CTBP2: variants seen among roughly 807,000 people sequenced by gnomAD.
The protein encoded by CTBP2 is C-terminal binding protein 2, also known as C-terminal-binding protein 2.
CTBP2 carries 30 observed loss-of-function variants against 80.3 expected under a neutral mutation model. The observed-to-expected ratio is 0.37, with a 90% CI of 0.28 to 0.51. CTBP2 has a LOEUF of 0.51. CTBP2 is among the 20% of genes least tolerant of loss of function. The probability of loss-of-function intolerance (pLI) is 0.93; values close to 1 mark genes in which losing one functional copy is unlikely to be tolerated. For synonymous variants in CTBP2, 594 were observed against 587.4 expected, an observed-to-expected ratio of 1.01 and a Z score of -0.16; for missense variants, 1,212 against 1,375.3, an observed-to-expected ratio of 0.88 and a Z score of 1.88.
chr10:125,110,862 G>A (rs1419099894), intron 2 of CTBP2, 128 bp downstream of exon 2: 1 of 152,106 alleles, frequency 6.6e-6, no homozygotes, highest in African/African-American at 2.4e-5. Flanking sequence ...ATGATCCCAC[G>A]ATTAGACATC....
At chr10:125,132,116 G>A (rs1856282162) in intron 1 of CTBP2, among the ~76,000 whole-genome samples, 1 of 152,206 alleles carries the variant, frequency 6.6e-6, no homozygotes, top group East Asian at 1.9e-4. Flanking sequence ...CTCTAGAAAT[G>A]CAACTAGTAA....
intron 2 of CTBP2, among the ~76,000 whole-genome samples, chr10:125,041,504 A>ACCCC (rs10559259): frequency 1.1e-5 from 1 of 91,182 alleles, no homozygotes; most frequent in African/African-American, 3.7e-5. Flanking sequence ...GTCCATCCCC[A>ACCCC]CCCCCCCCCC....
rs1042600621 is a variant in CTBP2 at position 125,005,441 on chromosome 10, G to T, written c.1679-1949C>A. The stretch of plus-strand genomic sequence containing the variant: ...CCCCGACACCCAGGTCCCCAAACAG[G>T]GTGTCCGCATGGATCCGCACTCCAA... On this transcript the variant is annotated intron_variant, in intron 1 of 8. Coordinates refer to ENST00000309035, the MANE Select transcript of CTBP2 (RefSeq NM_022802.3). 5 of 1,134,224 alleles carry T rather than the reference G, an allele frequency of 4.4e-6. No individual in the cohort carries two copies. In the African/African-American group the frequency reaches 6.2e-5, roughly 14 times the overall value. The allele number at this position is 1,134,224 out of a possible 1,614,324, so 70.3% of individuals were successfully genotyped here. A position where few individuals can be genotyped will look rare whatever the true frequency, so the allele number is the denominator to read the frequency against.
intron 1 of CTBP2, among the ~76,000 whole-genome samples, chr10:125,011,527 G>A (rs769446160): frequency 3.3e-5 from 5 of 152,196 alleles, no homozygotes; most frequent in Non-Finnish European, 5.9e-5. Context: ...ATAACGAAGA[G>A]CATGTGTGGT....
At chr10:125,101,990 C>T (rs986530594) in intron 2 of CTBP2, among the ~76,000 whole-genome samples, 1 of 152,174 alleles carries the variant, frequency 6.6e-6, no homozygotes, top group Non-Finnish European at 1.5e-5. Context: ...CATCAGCCTC[C>T]CTCGTCAGTC....
intron 8 of CTBP2, among the ~76,000 whole-genome samples, chr10:124,990,176 C>T (rs751542508): frequency 2.6e-5 from 4 of 151,980 alleles, no homozygotes; most frequent in Non-Finnish European, 4.4e-5. Flanking sequence ...TCCCAAGTAG[C>T]TGGGACTACA....
rs74752696 is a variant in CTBP2, at chr10:125,148,548, T to C, written c.-206+11771A>G. 5.0e-3 allele frequency among the ~76,000 whole-genome samples: 766 copies of C among 152,300 alleles called. 38 individuals carry two copies. The East Asian group carries it at 0.1, about 20-fold the overall frequency. On this transcript the variant is annotated intron_variant, in intron 1 of 10. Coordinates refer to the CTBP2 transcript ENST00000337195. ...CTGAGGGGCCAAGTAACATACGGGA[T>C]TTGCTTCTAAGCTCTCGGGCCTGAC...
intron 1 of CTBP2, among the ~76,000 whole-genome samples, chr10:125,005,333 T>C (rs1346045713): frequency 6.6e-6 from 1 of 152,146 alleles, no homozygotes; most frequent in Non-Finnish European, 1.5e-5. Context: ...GGAGAAATCA[T>C]GGCCCCTCTC....
chr10:125,120,742 A>G (rs558541434), intron 1 of CTBP2, among the ~76,000 whole-genome samples: 1 of 152,276 alleles, frequency 6.6e-6, no homozygotes, highest in Admixed American at 6.5e-5. Flanking sequence ...CAGTGGCATG[A>G]TCATAGTTCA....
At chr10:125,151,612 A>G (rs374612971) in intron 1 of CTBP2, among the ~76,000 whole-genome samples, 1 of 151,832 alleles carries the variant, frequency 6.6e-6, no homozygotes, top group African/African-American at 2.4e-5. Flanking sequence ...GAACCTCACC[A>G]CTCACCACGA....
Position 124,998,188 on chromosome 10 carries a change from A to G in CTBP2, c.1979-18T>C, listed in dbSNP as rs111326344. ...GGCAATTCCTGAAAGGGATGAGGCC[A>G]AGGCCGGAGATGAGAAAACCTCAAG... is the stretch of plus-strand genomic sequence containing the variant. On this transcript the variant is annotated intron_variant, in intron 3 of 8. Coordinates refer to ENST00000309035, the MANE Select transcript of CTBP2 (RefSeq NM_022802.3). The G allele has an allele frequency of 7.9e-4, 1,251 of 1,588,628 alleles. 5 individuals carry two copies. In the African/African-American group the frequency reaches 0.015, roughly 19 times the overall value.
intron 1 of CTBP2, among the ~76,000 whole-genome samples, chr10:125,016,450 A>T (rs1956497100): frequency 6.6e-6 from 1 of 152,228 alleles, no homozygotes; most frequent in African/African-American, 2.4e-5. Flanking sequence ...CTCCCGCAAA[A>T]GGACCCTGAG....
intron 2 of CTBP2, among the ~76,000 whole-genome samples, chr10:125,059,033 G>A (rs1477935568): frequency 1.3e-5 from 2 of 152,188 alleles, no homozygotes; most frequent in Admixed American, 6.5e-5. Context: ...ACTAGGATGG[G>A]CAGGGGGAGG....
At chr10:125,024,360 C>G (rs1377276739) in intron 1 of CTBP2, among the ~76,000 whole-genome samples, 2 of 152,226 alleles carry the variant, frequency 1.3e-5, no homozygotes, top group Non-Finnish European at 2.9e-5. Flanking sequence ...GCAGACTTCC[C>G]TGGCACTGGC....
chr10:125,090,763 AAT>A (rs1020454340), intron 2 of CTBP2, among the ~76,000 whole-genome samples: 5 of 152,032 alleles, frequency 3.3e-5, no homozygotes, highest in African/African-American at 9.7e-5. Flanking sequence ...CAAAAAAAAA[AAT>A]AAATAAATAA....
chr10:125,159,781 A>G (rs1462796637), intron 1 of CTBP2: 1 of 147,296 alleles, frequency 6.8e-6, no homozygotes, highest in African/African-American at 2.5e-5. Context: ...TGTTCCCCGG[A>G]GATCCGGCCG....
intron 2 of CTBP2, among the ~76,000 whole-genome samples, chr10:125,059,708 C>T (rs1964603414): frequency 6.6e-6 from 1 of 152,166 alleles, no homozygotes; most frequent in Non-Finnish European, 1.5e-5. Context: ...AGCCATGCTC[C>T]AAGGCCACTG....
intron 1 of CTBP2, among the ~76,000 whole-genome samples, chr10:125,115,141 C>T (rs1359062522): frequency 3.3e-5 from 5 of 151,728 alleles, no homozygotes; most frequent in African/African-American, 1.2e-4. Context: ...TCACACCAGC[C>T]AGAGAGCAGA....
rs1861484868 is a variant in CTBP2, at chr10:125,159,179, G to A, written c.-206+1140C>T. ...GCGCCGCGGAGGGCTGGGAGGAGGA[G>A]GAACCGCGGCGGCCCGGCTGTCCCT... is the stretch of plus-strand genomic sequence containing the variant. On this transcript the variant is annotated intron_variant, in intron 1 of 10. Transcript: ENST00000337195. Among the ~76,000 whole-genome samples the A allele has an allele frequency of 3.3e-5, 5 of 150,704 alleles. No homozygotes were observed. In the South Asian group the frequency reaches 1.0e-3, roughly 31 times the overall value.
Sources: allele counts gnomAD v4.1 joint callset (sites outside exome capture counted in the v4.1 genomes callset), GRCh38; gene constraint gnomAD v4.1.1; transcripts MANE v1.5; gene names NCBI Gene and HGNC (gene_info 2026-07-23, HGNC 2026-07-21).